GLI1: variants seen among roughly 807,000 people sequenced by gnomAD.
GLI1 encodes the protein transcription activator GLI1.
GLI1 carries 51 observed loss-of-function variants against 87.8 expected under a neutral mutation model. The ratio of observed to expected loss-of-function variants is 0.58; its 90% CI spans 0.46 to 0.73. The LOEUF (loss-of-function observed/expected upper bound fraction) is 0.73, where lower values mean the gene tolerates loss of function less well. Ranked by LOEUF, GLI1 falls within the 30% of genes least tolerant of loss-of-function variation. The pLI, the probability that GLI1 is intolerant of heterozygous loss-of-function variation, is 0.00. For synonymous variants in GLI1, 528 were observed against 558.2 expected (o/e 0.95, Z 0.76); for missense variants, 1,292 against 1,437.2 (o/e 0.90, Z 1.63).
chr12:57,469,423 C>T lies in GLI1; in HGVS notation c.1309-8C>T, dbSNP rs1387192877. The T allele has an allele frequency of 6.2e-6, 10 of 1,612,864 alleles. No homozygotes were observed. The highest frequency in any genetic ancestry group is 1.7e-4 in the Middle Eastern group (1 of 6,060). On this transcript the variant is annotated splice_polypyrimidine_tract_variant and splice_region_variant and intron_variant, in intron 10 of 11. Coordinates refer to ENST00000228682, the MANE Select transcript of GLI1 (RefSeq NM_005269.3). ...GGGTGTTGCCCTCAGACCTCATCTTCTCCACAGAAGCCACAGCCAAGCCCT... is the reference window on the plus strand; with the variant it reads ...GGGTGTTGCCCTCAGACCTCATCTTTTCCACAGAAGCCACAGCCAAGCCCT...
rs1187149151 is a variant in GLI1, at chr12:57,467,329, C to A, written c.913-4C>A. On this transcript the variant is annotated splice_polypyrimidine_tract_variant and splice_region_variant and intron_variant, in intron 8 of 11. Coordinates refer to ENST00000228682, the MANE Select transcript of GLI1 (RefSeq NM_005269.3). ...CTATCCTTTGACCCCTGCATGTCCCCCAGTTTGAAGGGTGCCGGAAGTCAT... is the reference window on the plus strand; with the variant it reads ...CTATCCTTTGACCCCTGCATGTCCCACAGTTTGAAGGGTGCCGGAAGTCAT... The A allele has an allele frequency of 6.2e-7, 1 of 1,600,614 alleles. No homozygotes were observed. Among genetic ancestry groups the A allele is most frequent in the Non-Finnish European group, 8.5e-7 (1 of 1,169,804 alleles).
intron 1 of GLI1, 49 bp from the exon 2 acceptor site, chr12:57,463,616 T>A: frequency 2.3e-6 from 2 of 882,952 alleles, no homozygotes; most frequent in Non-Finnish European, 3.8e-6. Context: ...GACTGCTGTC[T>A]GACAGTCTCT....
intron 3 of GLI1, among the ~76,000 whole-genome samples, chr12:57,464,312 G>A (rs1288941625): frequency 2.0e-5 from 3 of 151,936 alleles, no homozygotes; most frequent in Admixed American, 6.6e-5. Flanking sequence ...GCTTGAGGTC[G>A]GGAATTCAAG....
rs778951240 is a variant in GLI1, at chr12:57,469,576, C to T, written c.1454C>T (p.Pro485Leu). 6.2e-7 allele frequency: 1 copy of T among 1,614,192 alleles called. No homozygotes were observed. The highest frequency in any genetic ancestry group is 8.5e-7 in the Non-Finnish European group (1 of 1,180,036). Reference sequence around the variant, plus strand: ...GACCTCTCCAGCTTGGACGAGGGACCTTGCATTGCTGGCACTGGTCTGTCC... The same window carrying T: ...GACCTCTCCAGCTTGGACGAGGGACTTTGCATTGCTGGCACTGGTCTGTCC... ...TEDLSSLDEG[P>L]CIAGTGLSTL... The change falls in exon 11 of 12, where the codon CCT becomes CTT. Residue 485 changes from proline (P) to leucine (L), a missense_variant. Physicochemically the swap from Pro to Leu is moderately conservative, Grantham distance 98. Transcript: ENST00000228682.
intron 10 of GLI1, among the ~76,000 whole-genome samples, chr12:57,468,454 CCTT>C (rs1034373420): frequency 6.6e-6 from 1 of 151,982 alleles, no homozygotes; most frequent in African/African-American, 2.4e-5. Context: ...TTCCTTCTTT[CCTT>C]CTTTCCTTTC....
At chr12:57,467,142 G>A (rs1346835572) in intron 8 of GLI1, among the ~76,000 whole-genome samples, 191 bp from the exon 9 acceptor site, 5 of 152,120 alleles carry the variant, frequency 3.3e-5, no homozygotes, top group African/African-American at 9.7e-5. Context: ...AAGGGAGAGT[G>A]CCTCCAACTG....
At chr12:57,464,650 G>A (rs370321409) in intron 3 of GLI1, 23 bp from the exon 4 acceptor site, 178 of 1,594,100 alleles carry the variant, frequency 1.1e-4, no homozygotes, top group East Asian at 9.2e-4. Context: ...TACCATATCC[G>A]TCTCCGCTGT....
In GLI1 at chr12:57,465,233, G is replaced by A. The variant is rs765428970; in HGVS notation, c.512G>A (p.Arg171Gln). 26 of 1,611,628 alleles carry A rather than the reference G, an allele frequency of 1.6e-5. No homozygotes were observed. Among genetic ancestry groups the A allele is most frequent in the East Asian group, 1.1e-4 (5 of 44,872 alleles). The change falls in exon 5 of 12, where the codon CGG becomes CAG. Residue 171 changes from arginine (R) to glutamine (Q), a missense_variant. Physicochemically the swap from Arg to Gln is conservative, Grantham distance 43. Around this residue, in one of 3 missense-constraint regions of GLI1, gnomAD observed 383 missense variants for 368.4 expected, o/e 1.04. Transcript: ENST00000228682. ...RGGMIPHPQS[R>Q]GPFPTCQLKS... ...GGGATGATCCCACATCCTCAGTCCC[G>A]GGGACCCTTCCCAACTTGCCAGGTG...
rs376215819 is a variant in GLI1 at position 57,463,646 on chromosome 12, C to T, written c.-27-19C>T. 75 of 1,146,402 alleles carry T rather than the reference C, an allele frequency of 6.5e-5. 1 individual carries two copies. In the African/African-American group the frequency reaches 1.0e-3, roughly 15 times the overall value. The allele number at this position is 1,146,402 out of a possible 1,614,324, so 71.0% of individuals were successfully genotyped here. A position where few individuals can be genotyped will look rare whatever the true frequency, so the allele number is the denominator to read the frequency against. On this transcript the variant is annotated intron_variant, in intron 1 of 11. Transcript: ENST00000228682. ...GTCTCTATTTCCTCCACCTTTATAC[C>T]TACCTTCCCTTTCTGCAGTGTCCCC...
Position 57,464,742 on chromosome 12 carries a change from T to C in GLI1, c.263T>C (p.Leu88Pro), listed in dbSNP as rs1415914630. ...TKKRALSISP[L>P]SDASLDLQTV... Reference sequence around the variant, plus strand: ...AAGCGGGCACTGTCCATCTCACCTCTGTCGGATGCCAGCCTGGACCTGCAG... The same window carrying C: ...AAGCGGGCACTGTCCATCTCACCTCCGTCGGATGCCAGCCTGGACCTGCAG... The change falls in exon 4 of 12, where the codon CTG (leucine) becomes CCG (proline). Residue 88 changes from leucine (L) to proline (P), a missense_variant. This residue lies in a region of GLI1 where 383 missense variants were observed against 368.4 expected (regional missense o/e 1.04). Transcript: ENST00000228682. 1.4e-5 allele frequency: 22 copies of C among 1,613,894 alleles called. No individual in the cohort carries two copies. Among genetic ancestry groups the C allele is most frequent in the Non-Finnish European group, 1.8e-5 (21 of 1,179,888 alleles).
chr12:57,466,449 T>A (rs1871492489), intron 8 of GLI1, 60 bp downstream of exon 8: 1 of 1,375,346 alleles, frequency 7.3e-7, no homozygotes, highest in East Asian at 2.4e-5. Context: ...TCCTTCAAGG[T>A]AGGGCCCAAG....
rs765045779 is a variant in GLI1, at chr12:57,469,715, G to A, written c.1576+17G>A. Reference sequence around the variant, plus strand: ...CCCACACCGGTGAGACCTGGGTGTGGGAGGTGTGGCTGGGGTGAGATCTGG... The same window carrying A: ...CCCACACCGGTGAGACCTGGGTGTGAGAGGTGTGGCTGGGGTGAGATCTGG... On this transcript the variant is annotated intron_variant, in intron 11 of 11. Coordinates refer to ENST00000228682, the MANE Select transcript of GLI1 (RefSeq NM_005269.3). 2 of 1,610,446 alleles carry A rather than the reference G, an allele frequency of 1.2e-6. No individual in the cohort carries two copies. The highest frequency in any genetic ancestry group is 1.3e-5 in the African/African-American group (1 of 74,870).
intron 1 of GLI1, among the ~76,000 whole-genome samples, chr12:57,462,227 C>T (rs1219067729): frequency 2.6e-5 from 4 of 152,040 alleles, no homozygotes; most frequent in East Asian, 1.9e-4. Context: ...CCCCCGCCCC[C>T]CAACATTAGT....
At position 57,470,530 on chromosome 12, in the gene GLI1, G is replaced by C; in HGVS notation, c.1790G>C (p.Arg597Thr). ...CTTCGGGCAAGATATGCTTCAGCCAGAGGGGGTGGTACTTCGCCCACTGCA... is the reference window on the plus strand; with the variant it reads ...CTTCGGGCAAGATATGCTTCAGCCACAGGGGGTGGTACTTCGCCCACTGCA... ...YLLRARYASA[R>T]GGGTSPTAAS... Residue 597 changes from arginine (R) to threonine (T), a missense_variant, in exon 12 of 12, where the codon AGA (arginine) becomes ACA (threonine). Physicochemically the swap from Arg to Thr is moderately conservative, Grantham distance 71. This residue lies in a region of GLI1 where 897 missense variants were observed against 1,040.7 expected (regional missense o/e 0.86). Transcript: ENST00000228682. 6.2e-7 allele frequency: 1 copy of C among 1,614,068 alleles called. No individual in the cohort carries two copies. The highest frequency in any genetic ancestry group is 8.5e-7 in the Non-Finnish European group (1 of 1,179,964).
rs1871421695 is a variant in GLI1 at position 57,465,593 on chromosome 12, T to C, written c.535-14T>C. The C allele has an allele frequency of 6.2e-7, 1 of 1,608,986 alleles. No individual in the cohort carries two copies. The highest frequency in any genetic ancestry group is 1.1e-5 in the South Asian group (1 of 90,920). On this transcript the variant is annotated splice_polypyrimidine_tract_variant and intron_variant, in intron 5 of 11. Coordinates refer to ENST00000228682, the MANE Select transcript of GLI1 (RefSeq NM_005269.3). ...CTTCCACCCTCATCACCGTCACCTC[T>C]TCCCCTGGGGAAGCTGAAGTCTGAG...
intron 5 of GLI1, 68 bp downstream of exon 5, chr12:57,465,323 G>C: frequency 7.1e-7 from 1 of 1,411,730 alleles, no homozygotes; most frequent in South Asian, 1.3e-5. Context: ...ATTTTGTAGG[G>C]GAAAGGTGAA....
At chr12:57,464,575 T>G in intron 3 of GLI1, 98 bp from the exon 4 acceptor site, 1 of 710,992 alleles carries the variant, frequency 1.4e-6, no homozygotes, top group Non-Finnish European at 2.4e-6. Context: ...CAAAGCAGAA[T>G]CAAGTATCAT....
intron 1 of GLI1, among the ~76,000 whole-genome samples, chr12:57,461,593 C>T (rs572947803): frequency 3.9e-5 from 6 of 152,362 alleles, no homozygotes; most frequent in African/African-American, 1.4e-4. Context: ...CCCTGGGCGC[C>T]ACTGCCTGCT....
chr12:57,469,189 G>C (rs775989892), intron 10 of GLI1, among the ~76,000 whole-genome samples: 1 of 152,180 alleles, frequency 6.6e-6, no homozygotes, highest in Non-Finnish European at 1.5e-5. Flanking sequence ...TAGAGAAATA[G>C]CCCAAGGTCA....
Sources: allele counts gnomAD v4.1 joint callset (sites outside exome capture counted in the v4.1 genomes callset), GRCh38; gene constraint gnomAD v4.1.1; regional missense constraint gnomAD v4.1.1; transcripts MANE v1.5; gene names NCBI Gene and HGNC (gene_info 2026-07-23, HGNC 2026-07-21).